Variants in AP1S3 observed in about 807,000 individuals in gnomAD.
The protein encoded by AP1S3 is AP-1 complex subunit sigma-3.
In AP1S3, 10 loss-of-function variants were observed where a neutral mutation model predicts 20.9. The ratio of observed to expected loss-of-function variants is 0.48; its 90% CI spans 0.29 to 0.81. The LOEUF (loss-of-function observed/expected upper bound fraction) is 0.81, where lower values mean the gene tolerates loss of function less well. Among genes scored for constraint, AP1S3 ranks in the 30% least tolerant of loss-of-function variants. AP1S3 has a pLI of 0.08. For missense variants in AP1S3, 154 were observed against 183.8 expected, an observed-to-expected ratio of 0.84 and a Z score of 0.94; for synonymous variants, 41 against 61.5, an observed-to-expected ratio of 0.67 and a Z score of 1.56.
chr2:223,817,413 A>G (rs1691869887), intron 1 of AP1S3, among the ~76,000 whole-genome samples: 1 of 152,104 alleles, frequency 6.6e-6, no homozygotes, highest in African/African-American at 2.4e-5. Context: ...GTTCGAGACA[A>G]GCCTGACCAA....
chr2:223,764,479 C>G (rs1395173935), intron 4 of AP1S3, among the ~76,000 whole-genome samples: 4 of 152,048 alleles, frequency 2.6e-5, no homozygotes, highest in Non-Finnish European at 5.9e-5. Context: ...TGATGCAAAT[C>G]TGTGCGGCTT....
Position 223,756,462 on chromosome 2 carries a change from A to G in AP1S3, c.*2253T>C, listed in dbSNP as rs142334952. The G allele has an allele frequency of 4.6e-6, 4 of 861,410 alleles. No individual in the cohort carries two copies. The East Asian group carries it at 4.8e-4, about 104-fold the overall frequency. The allele number at this position is 861,410 out of a possible 1,614,324, so 53.4% of individuals were successfully genotyped here. On this transcript the variant is annotated 3_prime_UTR_variant, in exon 5 of 5. Transcript: ENST00000396654. The stretch of plus-strand genomic sequence containing the variant: ...AAGAAAGGAAGGAAAAGAAAGAAAG[A>G]AAGAAAAGAAAGAAAGAAAGAAAAA...
At position 223,837,530 on chromosome 2, in the gene AP1S3, G is replaced by T; in HGVS notation, c.-80C>A. 1 of 1,022,782 alleles carries T rather than the reference G, an allele frequency of 9.8e-7. No individual in the cohort carries two copies. The highest frequency in any genetic ancestry group is 1.3e-6 in the Non-Finnish European group (1 of 791,490). The allele number at this position is 1,022,782 out of a possible 1,614,324, so 63.4% of individuals were successfully genotyped here. On this transcript the variant is annotated 5_prime_UTR_variant, in exon 1 of 5. Coordinates refer to ENST00000396654, the MANE Select transcript of AP1S3 (RefSeq NM_001039569.2). The stretch of plus-strand genomic sequence containing the variant: ...AGGGCGAGAGGCGAGCGCTGGAGCC[G>T]GTGCGGCTGACAGGTGAGGCGCCCG...
At chr2:223,796,620 C>T (rs1290838455) in intron 1 of AP1S3, among the ~76,000 whole-genome samples, 2 of 152,144 alleles carry the variant, frequency 1.3e-5, no homozygotes, top group Non-Finnish European at 2.9e-5. Flanking sequence ...GTGTTTACTT[C>T]AGGGTTCCCC....
chr2:223,768,296 A>G (rs1690529700), intron 3 of AP1S3, among the ~76,000 whole-genome samples: 3 of 152,090 alleles, frequency 2.0e-5, no homozygotes. Flanking sequence ...TGGCAAAACC[A>G]AGCTCATTTT....
chr2:223,786,625 AG>A (rs1396224296), intron 1 of AP1S3, among the ~76,000 whole-genome samples: 7 of 152,040 alleles, frequency 4.6e-5, no homozygotes, highest in Non-Finnish European at 1.0e-4. Context: ...AAAAAAAAGA[AG>A]AAGGAGAAGG....
At position 223,776,086 on chromosome 2, in the gene AP1S3, C is replaced by CAA. The variant is rs59118867; in HGVS notation, c.183-78_183-77insTT. 0.24 allele frequency: 248,685 copies of CAA among 1,041,924 alleles called. 30,782 individuals carry two copies. Among genetic ancestry groups the CAA allele is most frequent in the Non-Finnish European group, 0.26 (176,097 of 681,390 alleles). The allele number at this position is 1,041,924 out of a possible 1,614,324, so 64.5% of individuals were successfully genotyped here. On this transcript the variant is annotated intron_variant, in intron 2 of 4. Coordinates refer to ENST00000396654, the MANE Select transcript of AP1S3 (RefSeq NM_001039569.2). ...GGAGACAGTTTTTCCCACGAATATG[C>CAA]AGTCACCTCCTCCCCCGCCGAGCCT...
intron 1 of AP1S3, among the ~76,000 whole-genome samples, chr2:223,829,036 A>G (rs1198242159): frequency 1.3e-5 from 2 of 152,118 alleles, no homozygotes; most frequent in East Asian, 2.0e-4. Context: ...GGGCTTCACC[A>G]TCTTGGCCAA....
chr2:223,761,796 T>TA lies in AP1S3; in HGVS notation c.430-3047dup, dbSNP rs1690361468. Among the ~76,000 whole-genome samples, 4 of 152,222 alleles carry TA rather than the reference T, an allele frequency of 2.6e-5. No individual in the cohort carries two copies. In the South Asian group the frequency reaches 8.3e-4, roughly 32 times the overall value. On this transcript the variant is annotated intron_variant, in intron 4 of 4. Transcript: ENST00000396654. The stretch of plus-strand genomic sequence containing the variant: ...CTAGGCTGATCTCAAACTCTTGACT[T>TA]AAGCAGTCTTCCTGCCTGGGACTCC...
At chr2:223,780,357 AGTGTGT>A (rs57103665) in intron 1 of AP1S3, among the ~76,000 whole-genome samples, 8 of 44,436 alleles carry the variant, frequency 1.8e-4, no homozygotes, top group South Asian at 1.7e-3. Flanking sequence ...AGAGAGAGAG[AGTGTGT>A]GTGTGTGTGT....
At chr2:223,780,132 C>A (rs1049831465) in intron 1 of AP1S3, among the ~76,000 whole-genome samples, 16 of 151,448 alleles carry the variant, frequency 1.1e-4, no homozygotes, top group African/African-American at 3.9e-4. Flanking sequence ...TCACCACCAC[C>A]CCCTGGCCCC....
rs552311042 is a variant in AP1S3 at position 223,809,954 on chromosome 2, C to T, written c.3+27494G>A. On this transcript the variant is annotated intron_variant, in intron 1 of 4. Transcript: ENST00000396654. Reference sequence around the variant, plus strand: ...ATATTGGTGAGGCTGGTCTCAAACTCCTGACCTCGTGATCCACCCGCCTCG... The same window carrying T: ...ATATTGGTGAGGCTGGTCTCAAACTTCTGACCTCGTGATCCACCCGCCTCG... Among the ~76,000 whole-genome samples, 433 of 152,094 alleles carry T rather than the reference C, an allele frequency of 2.8e-3. 1 individual carries two copies. The highest frequency in any genetic ancestry group is 4.3e-3 in the Non-Finnish European group (293 of 68,006).
intron 1 of AP1S3, among the ~76,000 whole-genome samples, chr2:223,801,215 C>T (rs1691458233): frequency 6.6e-6 from 1 of 152,156 alleles, no homozygotes; most frequent in Non-Finnish European, 1.5e-5. Context: ...GAAGTAGATA[C>T]TATTATTATT....
intron 1 of AP1S3, among the ~76,000 whole-genome samples, chr2:223,826,092 A>G (rs1317865265): frequency 6.6e-6 from 1 of 152,222 alleles, no homozygotes; most frequent in African/African-American, 2.4e-5. Flanking sequence ...TTTCCCTGAC[A>G]GAGTAATCAA....
chr2:223,827,446 G>A lies in AP1S3; in HGVS notation c.3+10002C>T, dbSNP rs151045044. On this transcript the variant is annotated intron_variant, in intron 1 of 4. Transcript: ENST00000396654. Reference sequence around the variant, plus strand: ...CGCCCAGGTTGGAGTGCAGTGGCACGATCTCAGTTCACTGCAACCTCCACC... The same window carrying A: ...CGCCCAGGTTGGAGTGCAGTGGCACAATCTCAGTTCACTGCAACCTCCACC... Among the ~76,000 whole-genome samples the A allele has an allele frequency of 7.1e-3, 1,084 of 152,164 alleles. 13 individuals carry two copies. The highest frequency in any genetic ancestry group is 0.025 in the African/African-American group (1,047 of 41,546).
intron 1 of AP1S3, among the ~76,000 whole-genome samples, chr2:223,780,294 TATATATATATATATAGAGAGAGAG>T (rs1559280647): frequency 2.1e-5 from 1 of 47,080 alleles, no homozygotes; most frequent in African/African-American, 1.0e-4. Context: ...TATATATATA[TATATATATATATATAGAGAGAGAG>T]AGAGAGAGAG....
rs534832804 is a variant in AP1S3 at position 223,798,275 on chromosome 2, T to C, written c.4-20406A>G. 5.3e-5 allele frequency among the ~76,000 whole-genome samples: 8 copies of C among 152,226 alleles called. No homozygotes were observed. The South Asian group carries it at 1.4e-3, about 28-fold the overall frequency. On this transcript the variant is annotated intron_variant, in intron 1 of 4. Transcript: ENST00000396654. ...CTGAAATAAAATGTTGAAAAGACAC[T>C]GGCCAACATATTTCAATTATTTTCC...
chr2:223,827,329 A>T (rs1692152743), intron 1 of AP1S3, among the ~76,000 whole-genome samples: 1 of 152,210 alleles, frequency 6.6e-6, no homozygotes, highest in African/African-American at 2.4e-5. Flanking sequence ...TTAAAAAAAA[A>T]TGTGATATTA....
chr2:223,809,040 C>T (rs933643873), intron 1 of AP1S3, among the ~76,000 whole-genome samples: 8 of 152,112 alleles, frequency 5.3e-5, no homozygotes, highest in African/African-American at 1.7e-4. Context: ...TTGAGGAGAC[C>T]GCATTAAGAA....
Sources: allele counts gnomAD v4.1 joint callset (sites outside exome capture counted in the v4.1 genomes callset), GRCh38; gene constraint gnomAD v4.1.1; transcripts MANE v1.5; gene names NCBI Gene and HGNC (gene_info 2026-07-23, HGNC 2026-07-21).